The following OSBPL10 variants were observed in gnomAD, a reference collection of about 807,000 sequenced individuals.
OSBPL10 encodes the protein oxysterol-binding protein-related protein 10.
In OSBPL10, 49 loss-of-function variants were observed where a neutral mutation model predicts 81.7. The ratio of observed to expected loss-of-function variants is 0.60; its 90% confidence interval spans 0.48 to 0.76. OSBPL10 has a LOEUF of 0.76. Among genes scored for constraint, OSBPL10 ranks in the 30% least tolerant of loss-of-function variants. The pLI is 0.00. For missense variants in OSBPL10, 923 were observed against 987.8 expected (o/e 0.93, Z 0.88); for synonymous variants, 419 against 383.6 (o/e 1.09, Z -1.08).
intron 3 of OSBPL10, among the ~76,000 whole-genome samples, chr3:31,840,887 GCTT>G (rs1364316495): frequency 2.0e-5 from 3 of 151,952 alleles, no homozygotes; most frequent in South Asian, 4.1e-4. Flanking sequence ...ACTAAGTTAG[GCTT>G]CTTGTTGTTG....
At chr3:31,824,536 G>C (rs1026950661) in intron 4 of OSBPL10, among the ~76,000 whole-genome samples, 4 of 152,126 alleles carry the variant, frequency 2.6e-5, no homozygotes, top group African/African-American at 9.7e-5. Flanking sequence ...ACGATCGCAA[G>C]GTTTGATATG....
intron 1 of OSBPL10, among the ~76,000 whole-genome samples, chr3:31,881,491 G>A (rs1213626123): frequency 2.0e-5 from 3 of 151,984 alleles, no homozygotes; most frequent in Admixed American, 6.5e-5. Flanking sequence ...TCCTTTTGAT[G>A]CCATCATATT....
chr3:31,678,781 A>AGTGTGTGTGTGTGTGTGT (rs1559411581), intron 8 of OSBPL10, among the ~76,000 whole-genome samples: 7 of 99,212 alleles, frequency 7.1e-5, no homozygotes, highest in African/African-American at 3.0e-4. Flanking sequence ...ACAGATTCAA[A>AGTGTGTGTGTGTGTGTGT]CTGTGTGTGT....
At chr3:31,720,756 C>T (rs541545895) in intron 6 of OSBPL10, among the ~76,000 whole-genome samples, 1 of 151,724 alleles carries the variant, frequency 6.6e-6, no homozygotes, top group South Asian at 2.1e-4. Flanking sequence ...AAAAATTAGC[C>T]GGGCGTGGTG....
At chr3:31,815,751 A>G (rs916124181) in intron 4 of OSBPL10, among the ~76,000 whole-genome samples, 1 of 152,196 alleles carries the variant, frequency 6.6e-6, no homozygotes, top group African/African-American at 2.4e-5. Context: ...AAAACCAAGA[A>G]TAAGATCACA....
At chr3:31,902,615 T>G (rs1173882869) in intron 1 of OSBPL10, among the ~76,000 whole-genome samples, 1 of 151,342 alleles carries the variant, frequency 6.6e-6, no homozygotes, top group Non-Finnish European at 1.5e-5. Context: ...CAGGCTGGAG[T>G]GCAGTGGCGC....
intron 3 of OSBPL10, among the ~76,000 whole-genome samples, chr3:31,872,937 TG>T (rs1426164279): frequency 6.6e-6 from 1 of 152,210 alleles, no homozygotes; most frequent in Non-Finnish European, 1.5e-5. Flanking sequence ...AAAACTTTTT[TG>T]TAAGTAACAG....
At chr3:32,014,348 A>G (rs904981169) in intron 2 of OSBPL10, among the ~76,000 whole-genome samples, 11 of 152,352 alleles carry the variant, frequency 7.2e-5, no homozygotes, top group Non-Finnish European at 1.6e-4. Flanking sequence ...CAAAAAGTAC[A>G]TGATTATCTC....
chr3:32,005,462 G>C (rs879479138), intron 2 of OSBPL10, among the ~76,000 whole-genome samples: 1 of 152,130 alleles, frequency 6.6e-6, no homozygotes, highest in Non-Finnish European at 1.5e-5. Flanking sequence ...AAGTTTCTCT[G>C]GAGCATTTAC....
chr3:32,066,011 A>G lies in OSBPL10; in HGVS notation n.185+11385T>C, dbSNP rs200697152. Among the ~76,000 whole-genome samples the G allele has an allele frequency of 8.6e-3, 457 of 53,188 alleles. 46 individuals are homozygous for G. Among genetic ancestry groups the G allele is most frequent in the East Asian group, 0.041 (21 of 512 alleles). 34.9% of individuals were successfully genotyped at this position (53,188 alleles called of 152,430 possible). A position where few individuals can be genotyped will look rare whatever the true frequency, so the allele number is the denominator to read the frequency against. Reference sequence around the variant, plus strand: ...AGAAAGAAAGAAAGAAAGAAAGAGAAAGAAAGAAAGAAAGAGAGAGAGAGA... The same window carrying G: ...AGAAAGAAAGAAAGAAAGAAAGAGAGAGAAAGAAAGAAAGAGAGAGAGAGA... On this transcript the variant is annotated intron_variant and non_coding_transcript_variant, in intron 1 of 3. Coordinates refer to the OSBPL10 transcript ENST00000479173.
chr3:32,074,958 C>T (rs1457888520), intron 1 of OSBPL10, among the ~76,000 whole-genome samples: 1 of 152,190 alleles, frequency 6.6e-6, no homozygotes, highest in African/African-American at 2.4e-5. Context: ...CCCCAAAATC[C>T]AGTTTGCAGA....
chr3:32,072,057 G>A (rs191084543), intron 1 of OSBPL10, among the ~76,000 whole-genome samples: 44 of 152,132 alleles, frequency 2.9e-4, no homozygotes, highest in East Asian at 1.9e-3. Flanking sequence ...TCAGCAAGCC[G>A]AACTCATTGC....
chr3:31,951,154 C>T (rs1487516810), intron 1 of OSBPL10, among the ~76,000 whole-genome samples: 2 of 151,956 alleles, frequency 1.3e-5, no homozygotes, highest in Non-Finnish European at 2.9e-5. Flanking sequence ...ACCTAAATAC[C>T]CATCACCAGG....
At chr3:32,026,005 T>C (rs567692776) in intron 2 of OSBPL10, among the ~76,000 whole-genome samples, 5 of 138,114 alleles carry the variant, frequency 3.6e-5, no homozygotes, top group Admixed American at 7.6e-5. Flanking sequence ...CCTTTATATA[T>C]ACAGACATAG....
chr3:31,954,717 A>G (rs1181014452), intron 1 of OSBPL10, among the ~76,000 whole-genome samples: 1 of 152,230 alleles, frequency 6.6e-6, no homozygotes, highest in African/African-American at 2.4e-5. Context: ...GTCAAAACTT[A>G]GCAATGTACA....
intron 4 of OSBPL10, among the ~76,000 whole-genome samples, chr3:31,789,689 C>T (rs1201072089): frequency 2.0e-5 from 3 of 152,212 alleles, no homozygotes; most frequent in African/African-American, 7.2e-5. Flanking sequence ...TCAGCAGGTA[C>T]ACAGCACCAT....
At chr3:32,037,183 C>G (rs1040003118) in intron 2 of OSBPL10, among the ~76,000 whole-genome samples, 4 of 152,194 alleles carry the variant, frequency 2.6e-5, no homozygotes, top group African/African-American at 4.8e-5. Context: ...ACAGAGAGAA[C>G]AGGAACTGCG....
chr3:31,905,344 G>GTTTTTTTTTTTTTTTTTTTTTTT (rs1575608407), intron 1 of OSBPL10, among the ~76,000 whole-genome samples: 3 of 70,716 alleles, frequency 4.2e-5, no homozygotes, highest in African/African-American at 1.2e-4. Flanking sequence ...GGAACCTGGT[G>GTTTTTTTTTTTTTTTTTTTTTTT]ATTTTTTTTT....
intron 6 of OSBPL10, among the ~76,000 whole-genome samples, chr3:31,726,556 C>T (rs527575599): frequency 1.3e-5 from 2 of 152,154 alleles, no homozygotes; most frequent in South Asian, 4.2e-4. Flanking sequence ...CCTCATGATC[C>T]GCCTGCCTCG....
Sources: gnomAD v4.1 joint callset for allele counts (sites outside exome capture counted in the v4.1 genomes callset) on GRCh38, gnomAD v4.1.1 for gene constraint, MANE v1.5 for transcripts, NCBI Gene and HGNC (gene_info 2026-07-23, HGNC 2026-07-21) for gene names.